PGPEP1L: variants seen among roughly 807,000 people sequenced by gnomAD.
PGPEP1L encodes pyroglutamyl-peptidase 1-like protein.
In PGPEP1L, 7 loss-of-function variants were observed where a neutral mutation model predicts 6.0. The ratio of observed to expected loss-of-function variants is 1.17; its 90% CI spans 0.66 to 2.19. The LOEUF is 2.19. Among genes scored for constraint, PGPEP1L ranks in the 30% most tolerant of loss-of-function variants. The probability of loss-of-function intolerance (pLI) is 0.00; values close to 1 mark genes in which losing one functional copy is unlikely to be tolerated. For missense variants in PGPEP1L, 209 were observed against 192.5 expected, an observed-to-expected ratio of 1.09 and a Z score of -0.51; for synonymous variants, 103 against 83.9, an observed-to-expected ratio of 1.23 and a Z score of -1.24.
chr15:98,985,463 G>A (rs560551335), intron 2 of PGPEP1L, among the ~76,000 whole-genome samples: 32 of 152,298 alleles, frequency 2.1e-4, no homozygotes, highest in Admixed American at 1.4e-3. Context: ...ACTTGAACCC[G>A]GGAAGCGGAA....
At chr15:99,002,684 G>C (rs1300079905) in intron 2 of PGPEP1L, among the ~76,000 whole-genome samples, 1 of 152,212 alleles carries the variant, frequency 6.6e-6, no homozygotes, top group Non-Finnish European at 1.5e-5. Flanking sequence ...GTGGCCTCCT[G>C]TGTGGGAGAC....
intron 2 of PGPEP1L, among the ~76,000 whole-genome samples, chr15:98,990,698 A>T (rs1024478294): frequency 3.3e-5 from 5 of 152,220 alleles, no homozygotes; most frequent in Non-Finnish European, 5.9e-5. Context: ...TCTAAAATTG[A>T]CCACATAATT....
chr15:98,990,732 A>G (rs1219097476), intron 2 of PGPEP1L, among the ~76,000 whole-genome samples: 2 of 152,212 alleles, frequency 1.3e-5, no homozygotes, highest in Non-Finnish European at 2.9e-5. Context: ...TCCTCAGCAA[A>G]TGCAAAAGAA....
At chr15:98,981,876 G>A (rs1346691495) in intron 2 of PGPEP1L, among the ~76,000 whole-genome samples, 2 of 152,194 alleles carry the variant, frequency 1.3e-5, no homozygotes, top group South Asian at 2.1e-4. Context: ...AGGCTGCTCT[G>A]TTTAGCACCC....
intron 2 of PGPEP1L, among the ~76,000 whole-genome samples, chr15:98,978,722 ATATATTTTTTT>A (rs1567236374): frequency 7.1e-5 from 3 of 42,238 alleles, no homozygotes; most frequent in Admixed American, 3.3e-4. Context: ...ATATATATAT[ATATATTTTTTT>A]TTTTTTTTTT....
At chr15:99,003,620 G>C (rs1221976723) in intron 2 of PGPEP1L, among the ~76,000 whole-genome samples, 1 of 151,866 alleles carries the variant, frequency 6.6e-6, no homozygotes, top group Non-Finnish European at 1.5e-5. Flanking sequence ...ATTTACACAC[G>C]AAGCAAATCC....
intron 2 of PGPEP1L, among the ~76,000 whole-genome samples, chr15:98,988,189 C>T (rs1174598885): frequency 2.0e-5 from 3 of 151,766 alleles, no homozygotes; most frequent in Non-Finnish European, 4.4e-5. Context: ...GCCAAGTGGT[C>T]TGACTCAGTG....
At chr15:98,969,712 A>C in intron 3 of PGPEP1L, 61 bp from the exon 4 acceptor site, 9 of 1,543,632 alleles carry the variant, frequency 5.8e-6, no homozygotes, top group Non-Finnish European at 8.0e-6. Flanking sequence ...TGCTCACCAA[A>C]TGTGCAGAAG....
intron 2 of PGPEP1L, among the ~76,000 whole-genome samples, chr15:98,980,655 G>A (rs1332772920): frequency 6.6e-6 from 1 of 152,214 alleles, no homozygotes; most frequent in Non-Finnish European, 1.5e-5. Flanking sequence ...ATGGTGGCCA[G>A]GTGCAGTGGC....
Position 98,970,950 on chromosome 15 carries a change from C to G in PGPEP1L, c.-19+86G>C. 4.5e-6 allele frequency: 7 copies of G among 1,563,758 alleles called. No individual in the cohort carries two copies. The South Asian group carries it at 8.5e-5, about 19-fold the overall frequency. On this transcript the variant is annotated intron_variant, in intron 3 of 4. Transcript: ENST00000535714. ...TGGGGACGGGGTGCCCCTCAACCAT[C>G]AACCCTAGAACCAGGACCCGGGGGT...
chr15:98,995,334 T>G (rs1393010013), intron 2 of PGPEP1L, among the ~76,000 whole-genome samples: 1 of 152,242 alleles, frequency 6.6e-6, no homozygotes, highest in African/African-American at 2.4e-5. Context: ...TATGCATGTA[T>G]ATCTATATGT....
chr15:99,000,822 G>A (rs2151766306), intron 2 of PGPEP1L, among the ~76,000 whole-genome samples: 1 of 152,216 alleles, frequency 6.6e-6, no homozygotes, highest in East Asian at 1.9e-4. Flanking sequence ...AAAGCAGGCT[G>A]CGGGAGCCAA....
chr15:98,973,058 T>C (rs1167524114), intron 2 of PGPEP1L, among the ~76,000 whole-genome samples: 1 of 152,054 alleles, frequency 6.6e-6, no homozygotes, highest in African/African-American at 2.4e-5. Context: ...CAGGAGTAGC[T>C]ATACTTATAT....
In PGPEP1L at chr15:98,971,194, TGGGGGG is replaced by T. The variant is rs57036063; in HGVS notation, c.-141-42_-141-37del. On this transcript the variant is annotated intron_variant, in intron 2 of 4. Transcript: ENST00000535714. ...CGGCAGGTGGACTTGCCTCAGTTGA[TGGGGGG>T]GGGGGGGGGGTGGGCACCAAGAGTC... The T allele has an allele frequency of 7.9e-4, 463 of 586,938 alleles. 6 individuals are homozygous for T. Among genetic ancestry groups the T allele is most frequent in the Middle Eastern group, 5.4e-3 (11 of 2,038 alleles). The allele number at this position is 586,938 out of a possible 1,614,324, so 36.4% of individuals were successfully genotyped here.
At chr15:98,970,921 G>A in intron 3 of PGPEP1L, 115 bp downstream of exon 3, 1 of 1,464,718 alleles carries the variant, frequency 6.8e-7, no homozygotes, top group Non-Finnish European at 9.2e-7. Context: ...TGACTGGTGG[G>A]GCCTGGGGAC....
rs898161133 is a variant in PGPEP1L, at chr15:98,968,771, A to C, written c.210-74T>G. On this transcript the variant is annotated intron_variant, in intron 4 of 4. Coordinates refer to ENST00000535714, the MANE Select transcript of PGPEP1L (RefSeq NM_001167902.2). ...TCAGTGAAACATACGCAGAAGTGGC[A>C]ATGCAACACCCACAAAGCCTGAGGA... 3.7e-6 allele frequency: 5 copies of C among 1,366,872 alleles called. No individual in the cohort carries two copies. The African/African-American group carries it at 5.7e-5, about 16-fold the overall frequency. 84.7% of individuals were successfully genotyped at this position (1,366,872 alleles called of 1,614,324 possible).
chr15:98,971,661 T>C (rs1368767938), intron 2 of PGPEP1L, among the ~76,000 whole-genome samples: 3 of 152,084 alleles, frequency 2.0e-5, no homozygotes, highest in East Asian at 3.8e-4. Flanking sequence ...ATCTAAAGGG[T>C]TCAACTTGAA....
At chr15:99,007,192 C>T (rs782713837) in intron 1 of PGPEP1L, among the ~76,000 whole-genome samples, 167 bp downstream of exon 1, 50 of 152,208 alleles carry the variant, frequency 3.3e-4, no homozygotes, top group Non-Finnish European at 5.4e-4. Flanking sequence ...CTCCCACTCC[C>T]TGTCCTGAGA....
intron 2 of PGPEP1L, among the ~76,000 whole-genome samples, chr15:98,974,897 C>CA: frequency 6.7e-6 from 1 of 149,922 alleles, no homozygotes; most frequent in South Asian, 2.2e-4. Context: ...AACTCCACCT[C>CA]AAACAAAAAC....
Sources: allele counts gnomAD v4.1 joint callset (sites outside exome capture counted in the v4.1 genomes callset), GRCh38; gene constraint gnomAD v4.1.1; transcripts MANE v1.5; gene names NCBI Gene and HGNC (gene_info 2026-07-23, HGNC 2026-07-21).